ZNF469: variants seen among roughly 807,000 people sequenced by gnomAD.
ZNF469 encodes the protein zinc finger protein 469.
A neutral mutation model predicts 1.0 loss-of-function variants in ZNF469; 1 was observed. The ratio of observed to expected loss-of-function variants is 1.00; its 90% CI spans 0.35 to 4.73. The LOEUF is 4.73. Ranked by LOEUF, ZNF469 falls within the 30% of genes most tolerant of loss-of-function variation. ZNF469 has a pLI of 0.16. For missense variants in ZNF469, 6,100 were observed against 5,356.3 expected (o/e 1.14, Z -4.33); for synonymous variants, 2,703 against 2,363.4 (o/e 1.14, Z -4.17).
chr16:88,385,436 G>A (rs1054028275), intron 1 of ZNF469, among the ~76,000 whole-genome samples: 2 of 151,964 alleles, frequency 1.3e-5, no homozygotes, highest in Non-Finnish European at 1.5e-5. Flanking sequence ...AGGAGTTTGA[G>A]GCCAGCCTGG....
the ZNF469 span, among the ~76,000 whole-genome samples, chr16:88,338,590 G>T: frequency 6.6e-6 from 1 of 152,234 alleles, no homozygotes; most frequent in Non-Finnish European, 1.5e-5. Flanking sequence ...GAGGCCAGAG[G>T]CCTCTGCTGG....
the ZNF469 span, among the ~76,000 whole-genome samples, chr16:88,103,641 G>A: frequency 6.6e-6 from 1 of 152,174 alleles, no homozygotes; most frequent in South Asian, 2.1e-4. Flanking sequence ...CTCACCCCAC[G>A]GGAGCCCTGG....
Position 88,435,337 on chromosome 16 carries a change from T to C in ZNF469, c.7867T>C (p.Ser2623Pro). The change falls in exon 3 of 3, where the codon TCT (serine) becomes CCT (proline). Residue 2623 changes from serine to proline, a missense_variant. Ser to Pro is a moderately conservative substitution (Grantham distance 74). Transcript: ENST00000565624. ...RRWRREPTVD[S>P]PSHSEGKSNK... ...GTGGCGCCGAGAGCCCACCGTGGAC[T>C]CTCCTAGCCACTCAGAGGGGAAGTC... is the stretch of plus-strand genomic sequence containing the variant. 1 of 1,550,148 alleles carries C rather than the reference T, an allele frequency of 6.5e-7. No individual in the cohort carries two copies. The highest frequency in any genetic ancestry group is 1.4e-5 in the African/African-American group (1 of 73,088).
chr16:88,401,256 G>A (rs747621929), intron 1 of ZNF469, among the ~76,000 whole-genome samples: 3 of 152,230 alleles, frequency 2.0e-5, no homozygotes, highest in African/African-American at 4.8e-5. Context: ...CACGGGCACC[G>A]TGCTGTCCAG....
At chr16:88,385,319 C>T (rs1276168772) in intron 1 of ZNF469, among the ~76,000 whole-genome samples, 1 of 152,086 alleles carries the variant, frequency 6.6e-6, no homozygotes, top group Admixed American at 6.5e-5. Flanking sequence ...GCCCCCTACC[C>T]TCCCTTCCGG....
the ZNF469 span, among the ~76,000 whole-genome samples, chr16:88,347,693 G>A: frequency 6.6e-6 from 1 of 152,242 alleles, no homozygotes; most frequent in South Asian, 2.1e-4. Context: ...TCCAATCACA[G>A]TGAAGAACCT....
chr16:88,189,712 G>A, the ZNF469 span, among the ~76,000 whole-genome samples: 1 of 152,228 alleles, frequency 6.6e-6, no homozygotes, highest in Non-Finnish European at 1.5e-5. The surrounding 1 kb of genome is among the most constrained non-coding windows in gnomAD (Gnocchi z 4.3). Flanking sequence ...CTGAGGTCAG[G>A]AGTTGGAGAC....
chr16:88,430,333 C>T lies in ZNF469; in HGVS notation c.2863C>T (p.Arg955Trp), dbSNP rs754739533. 1.3e-6 allele frequency: 2 copies of T among 1,514,922 alleles called. No individual in the cohort carries two copies. Among genetic ancestry groups the T allele is most frequent in the South Asian group, 1.2e-5 (1 of 81,008 alleles). The allele number at this position is 1,514,922 out of a possible 1,614,324, so 93.8% of individuals were successfully genotyped here. A position where few individuals can be genotyped will look rare whatever the true frequency, so the allele number is the denominator to read the frequency against. Residue 955 changes from arginine to tryptophan, a missense_variant, in exon 3 of 3, where the codon CGG (arginine) becomes TGG (tryptophan). Physicochemically the swap from Arg to Trp is moderately radical, Grantham distance 101. Transcript: ENST00000565624. ...QRRGKQLKLF[R>W]KDLDSGGAAE... ...GAGGGGGAAGCAGTTGAAGCTGTTC[C>T]GGAAGGATCTGGACTCGGGCGGCGC...
chr16:88,117,203 G>A, the ZNF469 span, among the ~76,000 whole-genome samples: 6 of 150,578 alleles, frequency 4.0e-5, no homozygotes, highest in African/African-American at 7.3e-5. Context: ...TGTGAGGGCC[G>A]GGGACACGTG....
the ZNF469 span, among the ~76,000 whole-genome samples, chr16:88,366,264 C>T: frequency 6.6e-6 from 1 of 151,850 alleles, no homozygotes; most frequent in Non-Finnish European, 1.5e-5. Context: ...CCACTATTAT[C>T]ATCACCATCA....
the ZNF469 span, among the ~76,000 whole-genome samples, chr16:88,322,768 G>A: frequency 1.3e-5 from 2 of 152,182 alleles, no homozygotes; most frequent in African/African-American, 2.4e-5. Context: ...CCCTCCCCGT[G>A]CCCACCCACC....
the ZNF469 span, among the ~76,000 whole-genome samples, chr16:88,295,885 A>T: frequency 2.0e-5 from 3 of 152,298 alleles, no homozygotes; most frequent in Admixed American, 6.5e-5. Flanking sequence ...TGAGGTCTCA[A>T]CCTGCGTTCT....
chr16:88,103,043 C>T, the ZNF469 span, among the ~76,000 whole-genome samples: 1 of 152,228 alleles, frequency 6.6e-6, no homozygotes, highest in African/African-American at 2.4e-5. Context: ...GATGGTAATG[C>T]GATTCTTTAA....
chr16:88,198,797 A>T, the ZNF469 span, among the ~76,000 whole-genome samples: 1 of 152,202 alleles, frequency 6.6e-6, no homozygotes, highest in African/African-American at 2.4e-5. Flanking sequence ...CCTGTTTATT[A>T]AAAAGAGAGC....
chr16:88,366,355 A>G, the ZNF469 span, among the ~76,000 whole-genome samples: 1 of 151,374 alleles, frequency 6.6e-6, no homozygotes, highest in South Asian at 2.1e-4. Flanking sequence ...CATCATCATC[A>G]CCACCATCAC....
chr16:88,317,619 C>G, the ZNF469 span, among the ~76,000 whole-genome samples: 2 of 152,222 alleles, frequency 1.3e-5, no homozygotes, highest in African/African-American at 4.8e-5. Flanking sequence ...TGCCCGCCGG[C>G]AGCCGCCCTG....
the ZNF469 span, among the ~76,000 whole-genome samples, chr16:88,121,149 G>A: frequency 1.2e-5 from 1 of 84,998 alleles, no homozygotes; most frequent in South Asian, 5.8e-4. Flanking sequence ...TGAGGCACCC[G>A]CTATGTACCA....
At chr16:88,262,665 T>C in the ZNF469 span, among the ~76,000 whole-genome samples, 1 of 151,840 alleles carries the variant, frequency 6.6e-6, no homozygotes, top group African/African-American at 2.4e-5. This position sits in a 1 kb window ranked among gnomAD's most constrained non-coding sequence, Gnocchi z 4.3. Context: ...GGGTCCTGGG[T>C]CCCCACAGAC....
At chr16:88,195,542 C>T in the ZNF469 span, among the ~76,000 whole-genome samples, 2 of 152,112 alleles carry the variant, frequency 1.3e-5, no homozygotes, top group African/African-American at 2.4e-5. Flanking sequence ...GGCCAAGAGA[C>T]AAGGTTGCAG....
Sources: allele counts gnomAD v4.1 joint callset (sites outside exome capture counted in the v4.1 genomes callset), GRCh38; gene constraint gnomAD v4.1.1; non-coding constraint Gnocchi (gnomAD v3.1); transcripts MANE v1.5; gene names NCBI Gene and HGNC (gene_info 2026-07-23, HGNC 2026-07-21).